FAT1: variants seen among roughly 807,000 people sequenced by gnomAD.
FAT1 encodes the protein FAT atypical cadherin 1.
FAT1 carries 171 observed loss-of-function variants against 329.8 expected under a neutral mutation model. The ratio of observed to expected loss-of-function variants is 0.52; its 90% CI spans 0.46 to 0.59. The LOEUF (loss-of-function observed/expected upper bound fraction) is 0.59, where lower values mean the gene tolerates loss of function less well. FAT1 is among the 20% of genes least tolerant of loss of function. The pLI, the probability that FAT1 is intolerant of heterozygous loss-of-function variation, is 0.00. For missense variants in FAT1, 5,672 were observed against 5,774.4 expected, an observed-to-expected ratio of 0.98 and a Z score of 0.57; for synonymous variants, 2,233 against 2,228.6, an observed-to-expected ratio of 1.00 and a Z score of -0.06.
At chr4:186,664,659 T>C (rs1245533033) in intron 2 of FAT1, among the ~76,000 whole-genome samples, 3 of 152,212 alleles carry the variant, frequency 2.0e-5, no homozygotes, top group Non-Finnish European at 4.4e-5. Context: ...AGTAGAAATA[T>C]CCATTTCTCT....
chr4:186,645,968 TACACACACACACACAC>T (rs371987938), intron 3 of FAT1, among the ~76,000 whole-genome samples: 7 of 105,230 alleles, frequency 6.7e-5, no homozygotes, highest in African/African-American at 3.9e-5. Flanking sequence ...AAAAAATATA[TACACACACACACACAC>T]ACACACACAC....
chr4:186,665,368 C>A, intron 2 of FAT1, among the ~76,000 whole-genome samples: 1 of 152,156 alleles, frequency 6.6e-6, no homozygotes, highest in Non-Finnish European at 1.5e-5. Flanking sequence ...TGTTTCCTGA[C>A]TTTTTAATGA....
intron 24 of FAT1, 196 bp from the exon 25 acceptor site, chr4:186,597,367 C>T (rs1030585676): frequency 2.3e-5 from 14 of 617,946 alleles, no homozygotes; most frequent in African/African-American, 5.5e-5. Context: ...ATCATGTGAT[C>T]GCATGCTTTT....
At chr4:186,641,948 A>G (rs1434867634) in intron 3 of FAT1, among the ~76,000 whole-genome samples, 1 of 151,908 alleles carries the variant, frequency 6.6e-6, no homozygotes, top group Non-Finnish European at 1.5e-5. Flanking sequence ...AGGAGGCCAC[A>G]GTGAGCCGAG....
chr4:186,600,452 T>C (rs1325057222), intron 21 of FAT1, 92 bp from the exon 22 acceptor site: 47 of 1,103,708 alleles, frequency 4.3e-5, no homozygotes, highest in South Asian at 6.3e-5. Context: ...GCTTAGGGAG[T>C]GAGGGTAGAA....
At position 186,636,043 on chromosome 4, in the gene FAT1, G is replaced by C; in HGVS notation, c.4165C>G (p.Leu1389Val). Reference sequence around the variant, plus strand: ...TGCTTACCAGTGATGTCAAACCAAAGGGGTATGCCAGGAGGCTCCACAGAT... The same window carrying C: ...TGCTTACCAGTGATGTCAAACCAAACGGGTATGCCAGGAGGCTCCACAGAT... ...VISVEPPGIPLWFDITGGNYD... is the reference protein window; with the variant it reads ...VISVEPPGIPVWFDITGGNYD... The change falls in exon 6 of 27, where the codon CTT (leucine) becomes GTT (valine). Residue 1389 changes from leucine (L) to valine (V), a missense_variant. Transcript: ENST00000441802. 1 of 1,613,956 alleles carries C rather than the reference G, an allele frequency of 6.2e-7. No homozygotes were observed.
intron 14 of FAT1, 22 bp downstream of exon 14, chr4:186,611,364 T>A: frequency 6.3e-7 from 1 of 1,576,574 alleles, no homozygotes; most frequent in Non-Finnish European, 8.6e-7. Context: ...AAGGGTTTCC[T>A]CTCAGATACA....
At chr4:186,716,638 G>A (rs868610714) in intron 1 of FAT1, among the ~76,000 whole-genome samples, 6 of 152,138 alleles carry the variant, frequency 3.9e-5, no homozygotes, top group Admixed American at 3.3e-4. Flanking sequence ...GGCTGGTCTC[G>A]AACTCCTGAG....
intron 2 of FAT1, among the ~76,000 whole-genome samples, chr4:186,691,594 G>A (rs1473344978): frequency 6.6e-6 from 1 of 152,070 alleles, no homozygotes; most frequent in Non-Finnish European, 1.5e-5. Flanking sequence ...CACTTGAGCT[G>A]AGGAGTTCGA....
intron 6 of FAT1, among the ~76,000 whole-genome samples, chr4:186,635,672 T>C (rs1740787282): frequency 6.6e-6 from 1 of 152,082 alleles, no homozygotes; most frequent in Admixed American, 6.5e-5. Flanking sequence ...TATGCATCAA[T>C]AAAAATAACA....
intron 2 of FAT1, among the ~76,000 whole-genome samples, chr4:186,699,489 T>C (rs1251075731): frequency 6.6e-6 from 1 of 152,078 alleles, no homozygotes; most frequent in Non-Finnish European, 1.5e-5. Context: ...GCCCTTGAAG[T>C]ATATATGTGA....
At chr4:186,678,013 CAA>C (rs1174091381) in intron 2 of FAT1, among the ~76,000 whole-genome samples, 2 of 152,088 alleles carry the variant, frequency 1.3e-5, no homozygotes, top group Non-Finnish European at 2.9e-5. Flanking sequence ...TCTCTGAGAG[CAA>C]AGTTGTTCAT....
chr4:186,677,798 G>A (rs1227198705), intron 2 of FAT1, among the ~76,000 whole-genome samples: 3 of 152,058 alleles, frequency 2.0e-5, no homozygotes, highest in Admixed American at 6.6e-5. Flanking sequence ...GGAGGAAAAC[G>A]GATTACTGCT....
At chr4:186,606,638 G>A (rs1203634019) in intron 16 of FAT1, among the ~76,000 whole-genome samples, 1 of 152,106 alleles carries the variant, frequency 6.6e-6, no homozygotes, top group South Asian at 2.1e-4. Context: ...GCTGCCTCCC[G>A]CACCTTAGCG....
intron 1 of FAT1, among the ~76,000 whole-genome samples, chr4:186,720,837 G>C (rs192075864): frequency 3.3e-5 from 5 of 152,344 alleles, no homozygotes; most frequent in Non-Finnish European, 7.3e-5. Flanking sequence ...AGGCAGGACT[G>C]TGTTGGGGAG....
At chr4:186,651,910 T>C (rs1161375174) in intron 3 of FAT1, among the ~76,000 whole-genome samples, 2 of 152,204 alleles carry the variant, frequency 1.3e-5, no homozygotes, top group African/African-American at 4.8e-5. Context: ...CAGCTATTGT[T>C]TGTCCCTGAA....
chr4:186,592,983 A>G (rs981737764), intron 26 of FAT1, among the ~76,000 whole-genome samples: 2 of 152,216 alleles, frequency 1.3e-5, no homozygotes, highest in Non-Finnish European at 2.9e-5. Flanking sequence ...TAACGTAAAC[A>G]TATTTTATTG....
At position 186,639,740 on chromosome 4, in the gene FAT1, T is replaced by A. The variant is rs754160919; in HGVS notation, c.3624A>T (p.Gln1208His). ...AACTTACCTCTAATATGTGTTCATC[T>A]TGCTGTTCTCGGTCTAGCTTCCTTG... ...TTSRKLDREQ[Q>H]DEHILEVTVT... is the part of the protein sequence containing the mutation. Residue 1208 changes from glutamine to histidine, a missense_variant, in exon 4 of 27, where the codon CAA becomes CAT. By Grantham distance (24) the Gln-to-His change is conservative. Coordinates refer to ENST00000441802, the MANE Select transcript of FAT1 (RefSeq NM_005245.4). The A allele has an allele frequency of 6.2e-7, 1 of 1,612,860 alleles. No homozygotes were observed. The highest frequency in any genetic ancestry group is 8.5e-7 in the Non-Finnish European group (1 of 1,179,226).
At chr4:186,673,301 C>T (rs1331078820) in intron 2 of FAT1, among the ~76,000 whole-genome samples, 3 of 152,138 alleles carry the variant, frequency 2.0e-5, no homozygotes, top group South Asian at 2.1e-4. Context: ...TAAAACAATA[C>T]CTGCAGCCCA....
Sources: gnomAD v4.1 joint callset for allele counts (sites outside exome capture counted in the v4.1 genomes callset) on GRCh38, gnomAD v4.1.1 for gene constraint, MANE v1.5 for transcripts, NCBI Gene and HGNC (gene_info 2026-07-23, HGNC 2026-07-21) for gene names.